The following LSAMP variants were observed in gnomAD, a reference collection of about 807,000 sequenced individuals.
The protein encoded by LSAMP is limbic system associated membrane protein.
In LSAMP, 7 loss-of-function variants were observed where a neutral mutation model predicts 38.6. That is an observed-to-expected ratio of 0.18 (90% confidence interval 0.10 to 0.34). The LOEUF (loss-of-function observed/expected upper bound fraction) is 0.34, where lower values mean the gene tolerates loss of function less well. LSAMP is among the 10% of genes least tolerant of loss of function. The pLI is 1.00. For missense variants in LSAMP, 313 were observed against 420.0 expected (o/e 0.75, Z 2.23); for synonymous variants, 154 against 166.8 (o/e 0.92, Z 0.59).
chr3:116,289,535 G>A (rs1423496838), intron 1 of LSAMP, among the ~76,000 whole-genome samples: 3 of 152,016 alleles, frequency 2.0e-5, no homozygotes, highest in Non-Finnish European at 4.4e-5. Context: ...GGCTGCTGAG[G>A]ACCCACTGAC....
intron 3 of LSAMP, among the ~76,000 whole-genome samples, chr3:115,889,640 A>G (rs1474392669): frequency 3.3e-5 from 5 of 151,968 alleles, no homozygotes; most frequent in Non-Finnish European, 5.9e-5. Flanking sequence ...GACCTTTGAG[A>G]GTAAAAACTA....
intron 1 of LSAMP, among the ~76,000 whole-genome samples, chr3:116,210,374 C>T (rs1053570959): frequency 6.6e-6 from 1 of 152,192 alleles, no homozygotes; most frequent in African/African-American, 2.4e-5. Context: ...ATAAAGCAGT[C>T]AGGAGAAGGT....
chr3:116,155,472 C>T (rs1376641213), intron 1 of LSAMP, among the ~76,000 whole-genome samples: 1 of 152,054 alleles, frequency 6.6e-6, no homozygotes, highest in East Asian at 1.9e-4. Context: ...AGGTGATCCA[C>T]CCACCTCTGC....
chr3:116,284,154 T>C (rs978580137), intron 1 of LSAMP, among the ~76,000 whole-genome samples: 4 of 152,274 alleles, frequency 2.6e-5, no homozygotes, highest in South Asian at 4.1e-4. Context: ...AAATTGAAGA[T>C]GGTAAAGGTG....
chr3:116,131,832 CTTT>C (rs746101746), intron 1 of LSAMP, among the ~76,000 whole-genome samples: 1 of 142,634 alleles, frequency 7.0e-6, no homozygotes, highest in Admixed American at 7.0e-5. Flanking sequence ...TTTTCTTTTT[CTTT>C]TTTTTTTTTT....
In LSAMP at chr3:115,805,439, G is replaced by C. The variant is rs2107436696; in HGVS notation, c.*4878C>G. ...TAAACCTTAGCAGTAGTTGGGCACT[G>C]CATGAAAAATGAAGTTTACATAGTT... On this transcript the variant is annotated 3_prime_UTR_variant, in exon 7 of 7. Coordinates refer to ENST00000490035, the MANE Select transcript of LSAMP (RefSeq NM_002338.5). The C allele has an allele frequency of 6.6e-6, 1 of 152,166 alleles. No homozygotes were observed. The highest frequency in any genetic ancestry group is 2.1e-4 in the South Asian group (1 of 4,826). 9.4% of individuals were successfully genotyped at this position (152,166 alleles called of 1,614,324 possible). A position where few individuals can be genotyped will look rare whatever the true frequency, so the allele number is the denominator to read the frequency against.
At chr3:115,940,810 C>G (rs1489902677) in intron 3 of LSAMP, among the ~76,000 whole-genome samples, 1 of 152,058 alleles carries the variant, frequency 6.6e-6, no homozygotes, top group Non-Finnish European at 1.5e-5. Flanking sequence ...ATTAATATAC[C>G]TTTGTAATAT....
chr3:116,017,674 A>T (rs1270463931), intron 3 of LSAMP, among the ~76,000 whole-genome samples: 1 of 152,178 alleles, frequency 6.6e-6, no homozygotes, highest in East Asian at 1.9e-4. Flanking sequence ...ACATACAATC[A>T]CTTATGAAAA....
chr3:116,373,651 C>G (rs1457187467), intron 1 of LSAMP, among the ~76,000 whole-genome samples: 1 of 151,872 alleles, frequency 6.6e-6, no homozygotes, highest in Non-Finnish European at 1.5e-5. Context: ...ATTTCCCCAA[C>G]TCTGCCCAGA....
At chr3:116,122,081 A>C (rs1164658728) in intron 1 of LSAMP, among the ~76,000 whole-genome samples, 1 of 152,172 alleles carries the variant, frequency 6.6e-6, no homozygotes, top group Non-Finnish European at 1.5e-5. Context: ...AATAAAAATC[A>C]AGGCATCAAA....
intron 1 of LSAMP, among the ~76,000 whole-genome samples, chr3:116,231,538 G>C (rs116808846): frequency 0.011 from 1,717 of 152,262 alleles, 31 homozygotes; most frequent in African/African-American, 0.038. Flanking sequence ...ACTATGTCAA[G>C]GTGCTTCAGT....
chr3:116,369,958 T>C (rs2107790088), intron 1 of LSAMP: 1 of 152,692 alleles, frequency 6.5e-6, no homozygotes, highest in African/African-American at 2.4e-5. Context: ...CGCCTTCATT[T>C]TAAACTTCCA....
intron 1 of LSAMP, among the ~76,000 whole-genome samples, chr3:116,246,187 C>G (rs1452030666): frequency 6.6e-6 from 1 of 152,154 alleles, no homozygotes; most frequent in Non-Finnish European, 1.5e-5. Flanking sequence ...ATTTCTGTTT[C>G]AAGCCTTCAA....
rs950915657 is a variant in LSAMP, at chr3:115,869,286, G to C, written c.515-16669C>G. 2.5e-4 allele frequency among the ~76,000 whole-genome samples: 38 copies of C among 151,924 alleles called. No individual in the cohort carries two copies. The South Asian group carries it at 2.7e-3, about 11-fold the overall frequency. On this transcript the variant is annotated intron_variant, in intron 3 of 6. Transcript: ENST00000490035. ...TTGGAGGGGGAGAGAGAGAGAGAGAGAGAGAGAGAGAGAGAGACTGACTGA... is the reference window on the plus strand; with the variant it reads ...TTGGAGGGGGAGAGAGAGAGAGAGACAGAGAGAGAGAGAGAGACTGACTGA...
intron 1 of LSAMP, among the ~76,000 whole-genome samples, chr3:116,205,184 C>T (rs1236139040): frequency 1.3e-5 from 2 of 148,910 alleles, no homozygotes; most frequent in African/African-American, 4.9e-5. Context: ...GGAGTTCACT[C>T]ATGATTTGGC....
chr3:115,931,973 G>T (rs1361880567), intron 3 of LSAMP, among the ~76,000 whole-genome samples: 1 of 152,114 alleles, frequency 6.6e-6, no homozygotes. Flanking sequence ...CGATGTGGGG[G>T]ATTCAAAGAT....
chr3:116,080,128 C>T (rs1707839720), intron 2 of LSAMP, among the ~76,000 whole-genome samples: 1 of 152,096 alleles, frequency 6.6e-6, no homozygotes, highest in Non-Finnish European at 1.5e-5. Flanking sequence ...TTAGCAGAGG[C>T]AGATACAATA....
rs908052742 is a variant in LSAMP at position 116,020,244 on chromosome 3, C to A, written c.389-604G>T. ...AACTTAAAACGTGAATTAATAAGGC[C>A]TATCTCACAGACAGGTAGACATTCA... On this transcript the variant is annotated intron_variant, in intron 2 of 6. Transcript: ENST00000490035. Among the ~76,000 whole-genome samples the A allele has an allele frequency of 2.0e-5, 3 of 152,132 alleles. No homozygotes were observed. In the East Asian group the frequency reaches 5.8e-4, roughly 29 times the overall value.
intron 1 of LSAMP, among the ~76,000 whole-genome samples, chr3:116,097,229 T>C (rs1304571857): frequency 1.3e-5 from 2 of 152,194 alleles, no homozygotes; most frequent in Admixed American, 1.3e-4. Context: ...AAAAAAAATA[T>C]GGTCTTTTCC....
Sources: allele counts gnomAD v4.1 joint callset (sites outside exome capture counted in the v4.1 genomes callset), GRCh38; gene constraint gnomAD v4.1.1; transcripts MANE v1.5; gene names NCBI Gene and HGNC (gene_info 2026-07-23, HGNC 2026-07-21).